AP3D1: variants seen among roughly 807,000 people sequenced by gnomAD.
AP3D1 encodes the protein adaptor related protein complex 3 subunit delta 1.
AP3D1 carries 51 observed loss-of-function variants against 147.6 expected under a neutral mutation model. The observed-to-expected ratio is 0.35, with a 90% CI of 0.28 to 0.44. AP3D1 has a LOEUF of 0.44. AP3D1 is among the 20% of genes least tolerant of loss of function. The probability of loss-of-function intolerance (pLI) is 1.00; values close to 1 mark genes in which losing one functional copy is unlikely to be tolerated. For synonymous variants in AP3D1, 760 were observed against 663.0 expected (o/e 1.15, Z -2.25); for missense variants, 1,421 against 1,624.2 (o/e 0.87, Z 2.15).
chr19:2,110,210 C>T lies in AP3D1; in HGVS notation c.3190G>A (p.Ala1064Thr), dbSNP rs747614717. The change falls in exon 28 of 32, where the codon GCC (alanine) becomes ACC (threonine). Residue 1064 changes from alanine (A) to threonine (T), a missense_variant. Physicochemically the swap from Ala to Thr is moderately conservative, Grantham distance 58 (BLOSUM62 0). Around this residue, in one of 6 missense-constraint regions of AP3D1, gnomAD observed 791 missense variants for 761.4 expected, o/e 1.04. Coordinates refer to ENST00000643116, the MANE Select transcript of AP3D1 (RefSeq NM_001261826.3). ...FQLPPGVSNE[A>T]QYVFTIQSIV... The stretch of plus-strand genomic sequence containing the variant: ...CTCTGGATGGTGAACACATACTGGG[C>T]TTCGTTGGAGACGCCTGGCGGGGGC... 1 of 1,612,126 alleles carries T rather than the reference C, an allele frequency of 6.2e-7. No homozygotes were observed. Among genetic ancestry groups the T allele is most frequent in the Non-Finnish European group, 8.5e-7 (1 of 1,179,954 alleles).
intron 22 of AP3D1, among the ~76,000 whole-genome samples, chr19:2,113,718 G>T (rs923511093): frequency 1.9e-4 from 29 of 152,240 alleles, no homozygotes; most frequent in African/African-American, 6.5e-4. Context: ...ACCTGACGTG[G>T]GTGTGGACAG....
In AP3D1 at chr19:2,137,107, T is replaced by A; in HGVS notation, c.274-16A>T. On this transcript the variant is annotated splice_polypyrimidine_tract_variant and intron_variant, in intron 3 of 31. Transcript: ENST00000643116. ...AGCCAATTCGCTGGGAGAGAACAGA[T>A]GAGCACATCAGAGGCAGGACACCCG... is the stretch of plus-strand genomic sequence containing the variant. The A allele has an allele frequency of 1.3e-6, 2 of 1,571,348 alleles. No homozygotes were observed. Among genetic ancestry groups the A allele is most frequent in the Non-Finnish European group, 1.7e-6 (2 of 1,158,522 alleles).
intron 11 of AP3D1, among the ~76,000 whole-genome samples, chr19:2,122,994 G>A (rs1465913787): frequency 6.6e-6 from 1 of 152,218 alleles, no homozygotes; most frequent in African/African-American, 2.4e-5. Context: ...AAAGCCTCAC[G>A]CACCCCCGCA....
chr19:2,113,149 CT>C (rs1435514354), intron 23 of AP3D1, 182 bp from the exon 24 acceptor site: 1 of 627,150 alleles, frequency 1.6e-6, no homozygotes, highest in Non-Finnish European at 2.8e-6. Context: ...TCCCCTTCCC[CT>C]GGCCCCTGCT....
intron 9 of AP3D1, among the ~76,000 whole-genome samples, chr19:2,126,240 C>T (rs182775071): frequency 8.5e-5 from 13 of 152,352 alleles, no homozygotes; most frequent in African/African-American, 2.4e-4. Flanking sequence ...AAGTCCACCG[C>T]CCAATGCCCC....
chr19:2,164,399 G>A, exon 1 of AP3D1: 1 of 533,572 alleles, frequency 1.9e-6, no homozygotes, highest in Non-Finnish European at 2.8e-6. Flanking sequence ...CACTGTCGCT[G>A]CTCCACCCCC....
intron 1 of AP3D1, among the ~76,000 whole-genome samples, chr19:2,150,304 G>A (rs376240043): frequency 2.0e-5 from 3 of 152,308 alleles, no homozygotes; most frequent in South Asian, 4.1e-4. Context: ...CGCTCAAGTA[G>A]GACACTTTCT....
intron 5 of AP3D1, among the ~76,000 whole-genome samples, chr19:2,131,256 T>A (rs547380057): frequency 2.6e-5 from 4 of 152,370 alleles, no homozygotes; most frequent in South Asian, 4.1e-4. Flanking sequence ...TCAGCCACGA[T>A]CTAGACACCT....
At chr19:2,102,965 A>G (rs577357072) in intron 31 of AP3D1, among the ~76,000 whole-genome samples, 36 of 151,230 alleles carry the variant, frequency 2.4e-4, no homozygotes, top group Non-Finnish European at 4.4e-4. Flanking sequence ...TAAATAAATA[A>G]AAGTACATGC....
Position 2,131,512 on chromosome 19 carries a change from G to GTGCTTCCCAGGGA in AP3D1, c.462+958_462+959insTCCCTGGGAAGCA, listed in dbSNP as rs1568297596. ...GTGGACAGGCAGCCACGAGGGGACA[G>GTGCTTCCCAGGGA]GGCCCATCGGCCACGATCTAGGCAC... On this transcript the variant is annotated intron_variant, in intron 5 of 31. Coordinates refer to ENST00000643116, the MANE Select transcript of AP3D1 (RefSeq NM_001261826.3). 6.4e-4 allele frequency among the ~76,000 whole-genome samples: 79 copies of GTGCTTCCCAGGGA among 122,530 alleles called. 1 individual carries two copies. The highest frequency in any genetic ancestry group is 2.3e-3 in the African/African-American group (74 of 32,170). 80.4% of individuals were successfully genotyped at this position (122,530 alleles called of 152,430 possible). A position where few individuals can be genotyped will look rare whatever the true frequency, so the allele number is the denominator to read the frequency against.
chr19:2,111,640 A>G, intron 25 of AP3D1, 39 bp downstream of exon 25: 3 of 1,549,142 alleles, frequency 1.9e-6, no homozygotes, highest in Non-Finnish European at 8.7e-7. Context: ...GCCCGCCAGG[A>G]ACCCCGGCGT....
In AP3D1 at chr19:2,120,934, G is replaced by A. The variant is rs1243892646; in HGVS notation, c.1409C>T (p.Ala470Val). Reference protein sequence around the residue: ...SALLDSAHLLASSTQRNGICE... With the variant: ...SALLDSAHLLVSSTQRNGICE... The stretch of plus-strand genomic sequence containing the variant: ...GATCCCGTTCCGCTGGGTGCTGCTG[G>A]CCAGCAGGTGTGCACTGTCAAGCAG... Residue 470 changes from alanine (A) to valine (V), a missense_variant, in exon 14 of 32, where the codon GCC becomes GTC. Ala to Val is a moderately conservative substitution (Grantham distance 64, BLOSUM62 0). This residue lies in a region of AP3D1 where 310 missense variants were observed against 388.1 expected (regional missense o/e 0.80). Coordinates refer to ENST00000643116, the MANE Select transcript of AP3D1 (RefSeq NM_001261826.3). 3 of 1,611,814 alleles carry A rather than the reference G, an allele frequency of 1.9e-6. No homozygotes were observed.
intron 4 of AP3D1, among the ~76,000 whole-genome samples, chr19:2,135,211 TAAAACAAAAC>T (rs2019046031): frequency 6.8e-6 from 1 of 147,150 alleles, no homozygotes; most frequent in Admixed American, 6.8e-5. Flanking sequence ...AAAAACAAAA[TAAAACAAAAC>T]AAAACAAAAA....
intron 15 of AP3D1, among the ~76,000 whole-genome samples, chr19:2,118,324 C>T (rs970008616): frequency 1.3e-5 from 2 of 152,168 alleles, no homozygotes; most frequent in Admixed American, 6.5e-5. Context: ...GCTGTCTCGC[C>T]GCATGTGAAA....
chr19:2,125,179 G>A (rs2018719119), intron 9 of AP3D1, among the ~76,000 whole-genome samples: 1 of 152,118 alleles, frequency 6.6e-6, no homozygotes, highest in Non-Finnish European at 1.5e-5. Flanking sequence ...ATCTGGAAAT[G>A]AATAACCCTG....
chr19:2,141,159 T>C (rs1266895350), intron 1 of AP3D1, among the ~76,000 whole-genome samples: 1 of 152,164 alleles, frequency 6.6e-6, no homozygotes, highest in East Asian at 1.9e-4. Flanking sequence ...AGCTATAATG[T>C]GGCTATACAT....
chr19:2,128,386 T>G (rs973209068), intron 8 of AP3D1, among the ~76,000 whole-genome samples: 1 of 152,036 alleles, frequency 6.6e-6, no homozygotes, highest in African/African-American at 2.4e-5. Context: ...ATCTTTCAGC[T>G]GCTTCACGCC....
intron 1 of AP3D1, among the ~76,000 whole-genome samples, chr19:2,148,589 C>T (rs1034628606): frequency 3.9e-5 from 6 of 152,194 alleles, no homozygotes; most frequent in African/African-American, 1.4e-4. Flanking sequence ...TCCAGAAAAC[C>T]GCGTGTCACT....
rs537816946 is a variant in AP3D1, at chr19:2,114,897, G to T, written c.2350-76C>A. On this transcript the variant is annotated intron_variant, in intron 20 of 31. Coordinates refer to ENST00000643116, the MANE Select transcript of AP3D1 (RefSeq NM_001261826.3). ...TGGAACGCCATCTATCTGGGACGCA[G>T]TGGGACTGCCCATGCGGGCCACACG... 4.0e-6 allele frequency: 6 copies of T among 1,506,916 alleles called. No homozygotes were observed. In the South Asian group the frequency reaches 4.5e-5, roughly 11 times the overall value. 93.3% of individuals were successfully genotyped at this position (1,506,916 alleles called of 1,614,324 possible). A position where few individuals can be genotyped will look rare whatever the true frequency, so the allele number is the denominator to read the frequency against.
Sources: gnomAD v4.1 joint callset for allele counts (sites outside exome capture counted in the v4.1 genomes callset) on GRCh38, gnomAD v4.1.1 for gene constraint, gnomAD v4.1.1 regional missense constraint, MANE v1.5 for transcripts, NCBI Gene and HGNC (gene_info 2026-07-23, HGNC 2026-07-21) for gene names.